Variants in EML4 observed in about 807,000 individuals in gnomAD.
EML4 encodes echinoderm microtubule-associated protein-like 4.
Under a neutral mutation model 129.0 loss-of-function variants are expected in EML4, and 72 were observed. The ratio of observed to expected loss-of-function variants is 0.56; its 90% confidence interval spans 0.46 to 0.68. EML4 has a LOEUF of 0.68. EML4 is among the 30% of genes least tolerant of loss of function. The probability of loss-of-function intolerance (pLI) is 0.00; values close to 1 mark genes in which losing one functional copy is unlikely to be tolerated. For synonymous variants in EML4, 532 were observed against 405.0 expected (o/e 1.31, Z -3.77); for missense variants, 1,363 against 1,190.6 (o/e 1.14, Z -2.13).
rs1483325772 is a variant in EML4, at chr2:42,325,639, T to TATGC, written c.2242+85_2242+86insATGC. 5.6e-5 allele frequency: 11 copies of TATGC among 197,938 alleles called. No individual in the cohort carries two copies. The East Asian group carries it at 1.4e-3, about 24-fold the overall frequency. 12.3% of individuals were successfully genotyped at this position (197,938 alleles called of 1,614,324 possible). A position where few individuals can be genotyped will look rare whatever the true frequency, so the allele number is the denominator to read the frequency against. On this transcript the variant is annotated intron_variant, in intron 20 of 22. Transcript: ENST00000318522. ...ATATATATATATATATATATATATATGCTAAGATGTGTCTGTCAGGGGCGC... is the reference window on the plus strand; with the variant it reads ...ATATATATATATATATATATATATATATGCGCTAAGATGTGTCTGTCAGGGGCGC...
At chr2:42,197,155 C>G (rs1489427959) in intron 1 of EML4, among the ~76,000 whole-genome samples, 1 of 152,108 alleles carries the variant, frequency 6.6e-6, no homozygotes, top group Non-Finnish European at 1.5e-5. Flanking sequence ...CTTGACCTCC[C>G]AGGATCAGGT....
chr2:42,278,104 G>A (rs1274936055), intron 6 of EML4, among the ~76,000 whole-genome samples: 1 of 152,166 alleles, frequency 6.6e-6, no homozygotes, highest in Non-Finnish European at 1.5e-5. Flanking sequence ...GTTGGCAAGT[G>A]CTAGACATTT....
chr2:42,281,038 T>C, intron 7 of EML4, 65 bp downstream of exon 7: 2 of 1,272,744 alleles, frequency 1.6e-6, no homozygotes, highest in Non-Finnish European at 2.1e-6. Flanking sequence ...TCAGTTAACG[T>C]ATTCTCTGTC....
chr2:42,185,023 C>T (rs568773584), intron 1 of EML4, among the ~76,000 whole-genome samples: 1 of 152,116 alleles, frequency 6.6e-6, no homozygotes, highest in African/African-American at 2.4e-5. Flanking sequence ...ATCTAATTTT[C>T]TCTCCTTTGT....
chr2:42,227,384 G>C (rs1195331753), intron 1 of EML4, among the ~76,000 whole-genome samples: 1 of 151,888 alleles, frequency 6.6e-6, no homozygotes, highest in African/African-American at 2.4e-5. Flanking sequence ...TGGGATTACT[G>C]GCATGAACCA....
rs952815230 is a variant in EML4 at position 42,224,456 on chromosome 2, T to C, written c.26-21049T>C. Among the ~76,000 whole-genome samples, 10 of 152,164 alleles carry C rather than the reference T, an allele frequency of 6.6e-5. 2 individuals carry two copies. The highest frequency in any genetic ancestry group is 4.6e-4 in the Admixed American group (7 of 15,286). On this transcript the variant is annotated intron_variant, in intron 1 of 22. Transcript: ENST00000318522. ...GAGCACATAACTGTTCAACATTTGATGGACATTTGGGTTATTTCTACTTTT... is the reference window on the plus strand; with the variant it reads ...GAGCACATAACTGTTCAACATTTGACGGACATTTGGGTTATTTCTACTTTT...
chr2:42,277,559 A>G (rs1666724450), intron 6 of EML4, among the ~76,000 whole-genome samples: 1 of 150,286 alleles, frequency 6.7e-6, no homozygotes, highest in African/African-American at 2.5e-5. Flanking sequence ...CTCACCCATA[A>G]CAAGCACAAC....
rs115562078 is a variant in EML4, at chr2:42,281,142, C to G, written c.791+169C>G. ...GGCGCGGTGGTTCACGCTGGTAATC[C>G]TAGCACTTTGGGAGGCCGAGGCAGG... is the stretch of plus-strand genomic sequence containing the variant. On this transcript the variant is annotated intron_variant, in intron 7 of 22. Coordinates refer to ENST00000318522, the MANE Select transcript of EML4 (RefSeq NM_019063.5). Among the ~76,000 whole-genome samples the G allele has an allele frequency of 8.6e-3, 1,302 of 151,944 alleles. 18 individuals are homozygous for G. The highest frequency in any genetic ancestry group is 0.034 in the Middle Eastern group (10 of 292).
intron 6 of EML4, among the ~76,000 whole-genome samples, chr2:42,268,093 A>AT (rs541015150): frequency 6.1e-4 from 93 of 152,358 alleles, no homozygotes; most frequent in African/African-American, 2.1e-3. Flanking sequence ...CATTAAGGTC[A>AT]TCCTTGAAAT....
intron 1 of EML4, among the ~76,000 whole-genome samples, chr2:42,219,988 A>G (rs1482393272): frequency 6.6e-6 from 1 of 151,370 alleles, no homozygotes; most frequent in African/African-American, 2.4e-5. Context: ...ATTTCTGTAT[A>G]GGAAGGGCTT....
chr2:42,245,086 T>TTTTC (rs1185542250), intron 1 of EML4, among the ~76,000 whole-genome samples: 18 of 88,828 alleles, frequency 2.0e-4, no homozygotes, highest in African/African-American at 5.5e-4. Flanking sequence ...TGTTTTGAAA[T>TTTTC]TTTCTTTCTT....
At chr2:42,252,231 G>A (rs1016222253) in intron 2 of EML4, among the ~76,000 whole-genome samples, 2 of 152,214 alleles carry the variant, frequency 1.3e-5, no homozygotes, top group Non-Finnish European at 1.5e-5. Context: ...GTCAGGCTAA[G>A]ATGTCAGTAA....
Position 42,202,535 on chromosome 2 carries a change from C to G in EML4, c.25+32899C>G, listed in dbSNP as rs888002131. The stretch of plus-strand genomic sequence containing the variant: ...AAAGTGAGGTTTCACAATAGGCCAT[C>G]TCCACACTGAGGAGCAAGGAAGCCA... On this transcript the variant is annotated intron_variant, in intron 1 of 22. Transcript: ENST00000318522. Among the ~76,000 whole-genome samples the G allele has an allele frequency of 3.9e-5, 6 of 152,300 alleles. No individual in the cohort carries two copies. In the Middle Eastern group the frequency reaches 0.017, roughly 432 times the overall value.
rs546866121 is a variant in EML4, at chr2:42,226,223, T to G, written c.26-19282T>G. Among the ~76,000 whole-genome samples the G allele has an allele frequency of 2.0e-5, 3 of 152,234 alleles. No homozygotes were observed. The South Asian group carries it at 6.2e-4, about 32-fold the overall frequency. On this transcript the variant is annotated intron_variant, in intron 1 of 22. Coordinates refer to ENST00000318522, the MANE Select transcript of EML4 (RefSeq NM_019063.5). ...ACACTTAAATTCTGAGATAAAAATA[T>G]ACATACTCATGTAATTCTTAGCCAT...
rs1216897195 is a variant in EML4 at position 42,329,003 on chromosome 2, G to C, written c.2459G>C (p.Cys820Ser). Residue 820 changes from cysteine (C) to serine (S), a missense_variant, in exon 22 of 23, where the codon TGC becomes TCC. Coordinates refer to ENST00000318522, the MANE Select transcript of EML4 (RefSeq NM_019063.5). ...FCKVHLFQYP[C>S]SKAKAPSHKY... The stretch of plus-strand genomic sequence containing the variant: ...AAAGTCCATCTGTTTCAGTATCCCT[G>C]CTCCAAAGCAAAGGTAAACTCACTT... 2 of 1,611,940 alleles carry C rather than the reference G, an allele frequency of 1.2e-6. No homozygotes were observed. Among genetic ancestry groups the C allele is most frequent in the African/African-American group, 1.3e-5 (1 of 74,822 alleles).
intron 1 of EML4, among the ~76,000 whole-genome samples, chr2:42,214,439 AT>A (rs11441016): frequency 1.1e-3 from 163 of 151,140 alleles, no homozygotes; most frequent in African/African-American, 3.8e-3. Context: ...TTTACAGCGG[AT>A]TTTTTTTTCC....
chr2:42,217,907 T>C (rs553973657), intron 1 of EML4, among the ~76,000 whole-genome samples: 3 of 152,346 alleles, frequency 2.0e-5, no homozygotes, highest in African/African-American at 2.4e-5. Flanking sequence ...CATCTCACTT[T>C]TGGAACATCC....
intron 1 of EML4, among the ~76,000 whole-genome samples, chr2:42,175,190 G>A (rs1299481619): frequency 6.6e-6 from 1 of 152,030 alleles, no homozygotes; most frequent in Non-Finnish European, 1.5e-5. Flanking sequence ...TTGGCTCACT[G>A]CAGCCTCTGC....
chr2:42,180,927 C>G (rs1050535861), intron 1 of EML4, among the ~76,000 whole-genome samples: 1 of 152,150 alleles, frequency 6.6e-6, no homozygotes, highest in Non-Finnish European at 1.5e-5. Context: ...AAGTTGCCCT[C>G]CAGTTGTTTT....
Sources: allele counts gnomAD v4.1 joint callset (sites outside exome capture counted in the v4.1 genomes callset), GRCh38; gene constraint gnomAD v4.1.1; transcripts MANE v1.5; gene names NCBI Gene and HGNC (gene_info 2026-07-23, HGNC 2026-07-21).